The following RBFOX1 variants were observed in gnomAD, a reference collection of about 807,000 sequenced individuals.
The protein encoded by RBFOX1 is RNA binding protein fox-1 homolog 1.
RBFOX1 carries 8 observed loss-of-function variants against 57.7 expected under a neutral mutation model. The ratio of observed to expected loss-of-function variants is 0.14; its 90% CI spans 0.08 to 0.25. RBFOX1 has a LOEUF of 0.25. RBFOX1 is among the 10% of genes least tolerant of loss of function. The probability of loss-of-function intolerance (pLI) is 1.00; values close to 1 mark genes in which losing one functional copy is unlikely to be tolerated. For missense variants in RBFOX1, 611 were observed against 548.5 expected (o/e 1.11, Z -1.14); for synonymous variants, 326 against 222.4 (o/e 1.47, Z -4.15).
chr16:6,087,577 T>C (rs1352156), intron 1 of RBFOX1, among the ~76,000 whole-genome samples: 99,331 of 151,482 alleles, frequency 0.66, 32,808 homozygotes, highest in African/African-American at 0.73. Context: ...CGAAGTGTAA[T>C]ACTTTAAATA....
intron 3 of RBFOX1, among the ~76,000 whole-genome samples, chr16:7,051,816 C>A (rs1158859462): frequency 6.6e-6 from 1 of 152,280 alleles, no homozygotes; most frequent in African/African-American, 2.4e-5. Context: ...CACACATACT[C>A]CTGCACGTCT....
At chr16:6,397,806 G>A (rs1011135062) in intron 2 of RBFOX1, among the ~76,000 whole-genome samples, 33 of 152,202 alleles carry the variant, frequency 2.2e-4, no homozygotes, top group African/African-American at 7.7e-4. Context: ...TATTAATGCT[G>A]AGTAGACTGT....
intron 2 of RBFOX1, among the ~76,000 whole-genome samples, chr16:6,424,814 AAGGT>A (rs1426160341): frequency 2.0e-5 from 3 of 152,148 alleles, no homozygotes; most frequent in Admixed American, 6.5e-5. Context: ...GCCTTAGGTT[AAGGT>A]TCAATGGGAT....
At chr16:5,489,319 A>C (rs1455631779) in intron 2 of RBFOX1, among the ~76,000 whole-genome samples, 2 of 152,364 alleles carry the variant, frequency 1.3e-5, no homozygotes, top group East Asian at 3.9e-4. Flanking sequence ...CCTTGGAAGG[A>C]GGATAAAGGG....
chr16:6,260,880 C>G (rs1598920373), intron 1 of RBFOX1, among the ~76,000 whole-genome samples: 3 of 149,220 alleles, frequency 2.0e-5, no homozygotes, highest in Non-Finnish European at 4.4e-5. Flanking sequence ...GACCCTGTCT[C>G]AAAAAAAAGG....
chr16:6,647,994 A>G (rs1055905817), intron 2 of RBFOX1, among the ~76,000 whole-genome samples: 2 of 152,152 alleles, frequency 1.3e-5, no homozygotes, highest in African/African-American at 4.8e-5. Flanking sequence ...CGTGTGTGCC[A>G]CCATGCCCAG....
intron 2 of RBFOX1, among the ~76,000 whole-genome samples, chr16:6,452,597 A>G (rs1301930804): frequency 6.6e-6 from 1 of 152,182 alleles, no homozygotes; most frequent in East Asian, 1.9e-4. Context: ...GGGGCCACAA[A>G]CTCAACTATC....
At chr16:7,640,461 CTTA>C (rs2062590114) in intron 11 of RBFOX1, among the ~76,000 whole-genome samples, 1 of 152,178 alleles carries the variant, frequency 6.6e-6, no homozygotes, top group South Asian at 2.1e-4. Context: ...CCCCAAACAT[CTTA>C]TTTGTCTTGA....
At chr16:5,517,918 A>G (rs1410227080) in intron 2 of RBFOX1, among the ~76,000 whole-genome samples, 1 of 148,334 alleles carries the variant, frequency 6.7e-6, no homozygotes, top group Non-Finnish European at 1.5e-5. Context: ...TTTATAAAAT[A>G]TGCAAAAGCT....
At chr16:5,708,849 G>A (rs1312669048) in intron 3 of RBFOX1, among the ~76,000 whole-genome samples, 4 of 152,104 alleles carry the variant, frequency 2.6e-5, no homozygotes, top group Non-Finnish European at 4.4e-5. Context: ...CTAACTTTTG[G>A]AAGAAACATG....
At chr16:6,948,804 T>G (rs2080104411) in intron 3 of RBFOX1, among the ~76,000 whole-genome samples, 1 of 152,210 alleles carries the variant, frequency 6.6e-6, no homozygotes, top group African/African-American at 2.4e-5. Context: ...TCTGATAATT[T>G]TAGCCTAAAT....
At chr16:6,299,117 G>C (rs1297722707) in intron 1 of RBFOX1, among the ~76,000 whole-genome samples, 1 of 152,182 alleles carries the variant, frequency 6.6e-6, no homozygotes, top group African/African-American at 2.4e-5. Context: ...CCCAAGCAAT[G>C]CAGCAGCTGG....
At chr16:7,635,213 G>A (rs987962755) in intron 11 of RBFOX1, among the ~76,000 whole-genome samples, 1 of 152,188 alleles carries the variant, frequency 6.6e-6, no homozygotes, top group Non-Finnish European at 1.5e-5. Flanking sequence ...ATTAGTTGAA[G>A]TATCTAAAGG....
intron 1 of RBFOX1, among the ~76,000 whole-genome samples, chr16:5,462,327 C>G (rs1428952471): frequency 6.6e-6 from 1 of 151,998 alleles, no homozygotes; most frequent in African/African-American, 2.4e-5. Flanking sequence ...CGCCACCACG[C>G]CCGGCTAATT....
At chr16:5,374,019 G>C (rs886317327) in intron 1 of RBFOX1, among the ~76,000 whole-genome samples, 3 of 152,238 alleles carry the variant, frequency 2.0e-5, no homozygotes, top group African/African-American at 7.2e-5. Flanking sequence ...CTGGGTTCAA[G>C]CGATTCTCCT....
chr16:7,320,177 G>C (rs115140775), intron 4 of RBFOX1, among the ~76,000 whole-genome samples: 6,898 of 152,160 alleles, frequency 0.045, 444 homozygotes, highest in African/African-American at 0.14. Context: ...CAACCCATCA[G>C]CTAGGTATTA....
chr16:7,109,385 G>A (rs906368600), intron 4 of RBFOX1, among the ~76,000 whole-genome samples: 3 of 152,100 alleles, frequency 2.0e-5, no homozygotes, highest in African/African-American at 7.2e-5. Flanking sequence ...CTGCCAATGA[G>A]ATTATTGAGT....
intron 2 of RBFOX1, among the ~76,000 whole-genome samples, chr16:6,636,988 C>T (rs1311103788): frequency 6.6e-5 from 8 of 121,130 alleles, no homozygotes; most frequent in African/African-American, 2.6e-4. Flanking sequence ...GTATATGTAT[C>T]ATTATGTATA....
chr16:6,814,454 C>G (rs540764840), intron 3 of RBFOX1, among the ~76,000 whole-genome samples: 11 of 152,164 alleles, frequency 7.2e-5, no homozygotes, highest in East Asian at 3.9e-4. Context: ...GGTGGGTGAA[C>G]AAGGTAGATG....
Sources: allele counts gnomAD v4.1 joint callset (sites outside exome capture counted in the v4.1 genomes callset), GRCh38; gene constraint gnomAD v4.1.1; transcripts MANE v1.5; gene names NCBI Gene and HGNC (gene_info 2026-07-23, HGNC 2026-07-21).